CRTC3: variants seen among roughly 807,000 people sequenced by gnomAD.
CRTC3 encodes the protein CREB regulated transcription coactivator 3, also known as CREB-regulated transcription coactivator 3.
A neutral mutation model predicts 74.5 loss-of-function variants in CRTC3; 26 were observed. That is an observed-to-expected ratio of 0.35 (90% CI 0.26 to 0.48). The LOEUF (loss-of-function observed/expected upper bound fraction) is 0.48, where lower values mean the gene tolerates loss of function less well. CRTC3 is among the 20% of genes least tolerant of loss of function. The probability of loss-of-function intolerance (pLI) is 0.99; values close to 1 mark genes in which losing one functional copy is unlikely to be tolerated. For synonymous variants in CRTC3, 377 were observed against 325.8 expected (o/e 1.16, Z -1.69); for missense variants, 760 against 787.3 (o/e 0.97, Z 0.41).
intron 6 of CRTC3, among the ~76,000 whole-genome samples, chr15:90,611,105 A>C (rs909199828): frequency 2.0e-5 from 3 of 152,188 alleles, no homozygotes; most frequent in African/African-American, 7.2e-5. Context: ...AGTGGCAGGT[A>C]CAAGCATCCC....
chr15:90,600,944 A>C (rs1238924868), intron 3 of CRTC3, among the ~76,000 whole-genome samples: 1 of 152,210 alleles, frequency 6.6e-6, no homozygotes, highest in Non-Finnish European at 1.5e-5. Flanking sequence ...TAGCAAAGGC[A>C]GAGGGGCAGG....
At chr15:90,636,494 T>C (rs1044291863) in intron 11 of CRTC3, among the ~76,000 whole-genome samples, 31 of 151,666 alleles carry the variant, frequency 2.0e-4, no homozygotes, top group African/African-American at 7.0e-4. Flanking sequence ...GACATAGGCA[T>C]GGGCAAGGAC....
chr15:90,598,550 C>A (rs1488692278), intron 3 of CRTC3: 1 of 701,720 alleles, frequency 1.4e-6, no homozygotes, highest in East Asian at 2.7e-5. Flanking sequence ...AGAGAGAGAA[C>A]ACACTGGGAT....
At chr15:90,628,608 C>T (rs1257810161) in intron 10 of CRTC3, among the ~76,000 whole-genome samples, 1 of 152,162 alleles carries the variant, frequency 6.6e-6, no homozygotes, top group Non-Finnish European at 1.5e-5. Flanking sequence ...ACCCCTGTCC[C>T]CCAAATAAAG....
intron 2 of CRTC3, among the ~76,000 whole-genome samples, chr15:90,592,989 C>T (rs747787399): frequency 1.1e-4 from 16 of 152,102 alleles, no homozygotes; most frequent in Non-Finnish European, 1.9e-4. Context: ...CCCGTCTCTA[C>T]TAAAAATACA....
rs1969477844 is a variant in CRTC3, at chr15:90,642,288, C to G, written c.*148C>G. On this transcript the variant is annotated 3_prime_UTR_variant, in exon 15 of 15. Transcript: ENST00000268184. Reference sequence around the variant, plus strand: ...TCCAGGGTTTCAGATGAGATCCCATCTCAGACACTGTGGCTTCCTCCAGAT... The same window carrying G: ...TCCAGGGTTTCAGATGAGATCCCATGTCAGACACTGTGGCTTCCTCCAGAT... 1.5e-6 allele frequency: 1 copy of G among 657,924 alleles called. No individual in the cohort carries two copies. Among genetic ancestry groups the G allele is most frequent in the African/African-American group, 1.8e-5 (1 of 55,494 alleles). 40.8% of individuals were successfully genotyped at this position (657,924 alleles called of 1,614,324 possible).
intron 2 of CRTC3, among the ~76,000 whole-genome samples, chr15:90,550,417 A>C (rs1966852886): frequency 6.6e-6 from 1 of 150,702 alleles, no homozygotes; most frequent in Non-Finnish European, 1.5e-5. Flanking sequence ...TCTCAAAAAA[A>C]AAAAATCATT....
In CRTC3 at chr15:90,644,560, A is replaced by T; in HGVS notation, c.*2420A>T. 1 of 231,198 alleles carries T rather than the reference A, an allele frequency of 4.3e-6. No homozygotes were observed. Among genetic ancestry groups the T allele is most frequent in the Middle Eastern group, 1.3e-3 (1 of 778 alleles). The allele number at this position is 231,198 out of a possible 1,614,324, so 14.3% of individuals were successfully genotyped here. A position where few individuals can be genotyped will look rare whatever the true frequency, so the allele number is the denominator to read the frequency against. On this transcript the variant is annotated 3_prime_UTR_variant, in exon 15 of 15. Transcript: ENST00000268184. ...ACTTGTGAAAACAGACCTCCGGGGAAGTGATTTATTGGGGGTGTACACTGG... is the reference window on the plus strand; with the variant it reads ...ACTTGTGAAAACAGACCTCCGGGGATGTGATTTATTGGGGGTGTACACTGG...
At chr15:90,607,190 G>A (rs1038861836) in intron 5 of CRTC3, among the ~76,000 whole-genome samples, 188 bp from the exon 6 acceptor site, 2 of 152,218 alleles carry the variant, frequency 1.3e-5, no homozygotes, top group African/African-American at 4.8e-5. Context: ...ATATTCTGGA[G>A]TGTGGGCGAT....
At chr15:90,641,008 A>T in intron 13 of CRTC3, 89 bp from the exon 14 acceptor site, 1 of 817,364 alleles carries the variant, frequency 1.2e-6, no homozygotes, top group Non-Finnish European at 2.1e-6. Flanking sequence ...TTTGCAAGTC[A>T]GGTTTTGCTC....
rs1966617212 is a variant in CRTC3 at position 90,530,932 on chromosome 15, T to C, written c.132+729T>C. Among the ~76,000 whole-genome samples, 1 of 151,888 alleles carries C rather than the reference T, an allele frequency of 6.6e-6. No homozygotes were observed. The highest frequency in any genetic ancestry group is 1.9e-4 in the East Asian group (1 of 5,184). On this transcript the variant is annotated intron_variant, in intron 1 of 14. Coordinates refer to ENST00000268184, the MANE Select transcript of CRTC3 (RefSeq NM_022769.5). The surrounding 1 kb of genome is among the most constrained non-coding windows in gnomAD (Gnocchi z 6.2). The stretch of plus-strand genomic sequence containing the variant: ...GTTAGGTAACCGCTGAGTGAGGCAG[T>C]GGAGGATGGAGAGCCAACCGGAGTG...
intron 2 of CRTC3, among the ~76,000 whole-genome samples, chr15:90,561,539 G>A (rs961205670): frequency 6.6e-5 from 10 of 152,160 alleles, no homozygotes; most frequent in South Asian, 2.1e-4. Context: ...ACATGTGGGC[G>A]GTGGCAGTGT....
At chr15:90,614,550 C>G in intron 7 of CRTC3, 62 bp downstream of exon 7, 1 of 1,079,064 alleles carries the variant, frequency 9.3e-7, no homozygotes, top group South Asian at 1.3e-5. Flanking sequence ...CATAACCTTT[C>G]AATACCTTTA....
chr15:90,585,239 T>A (rs1372690086), intron 2 of CRTC3, among the ~76,000 whole-genome samples: 1 of 152,132 alleles, frequency 6.6e-6, no homozygotes, highest in Non-Finnish European at 1.5e-5. Context: ...CCACCTCCTG[T>A]GCTCAAGGGA....
At chr15:90,589,912 A>G (rs957648030) in intron 2 of CRTC3, among the ~76,000 whole-genome samples, 1 of 152,098 alleles carries the variant, frequency 6.6e-6, no homozygotes, top group Non-Finnish European at 1.5e-5. Context: ...GCTTGAACCC[A>G]GGAGGCAGAG....
At chr15:90,608,778 A>T (rs1395757714) in intron 6 of CRTC3, among the ~76,000 whole-genome samples, 1 of 152,208 alleles carries the variant, frequency 6.6e-6, no homozygotes, top group African/African-American at 2.4e-5. Context: ...TCACATGTGC[A>T]CGGCATTTGC....
intron 5 of CRTC3, 118 bp downstream of exon 5, chr15:90,604,565 T>A (rs1288262898): frequency 8.7e-6 from 7 of 805,644 alleles, no homozygotes; most frequent in Middle Eastern, 2.6e-4. Flanking sequence ...ATATGACATG[T>A]TCAAAACAAA....
intron 2 of CRTC3, among the ~76,000 whole-genome samples, chr15:90,541,626 A>G (rs1279502542): frequency 3.3e-5 from 5 of 152,134 alleles, no homozygotes; most frequent in East Asian, 1.9e-4. Flanking sequence ...TTCATACTTC[A>G]GGAAATACAG....
intron 2 of CRTC3, among the ~76,000 whole-genome samples, chr15:90,588,142 C>T (rs773648224): frequency 2.6e-5 from 4 of 151,766 alleles, no homozygotes; most frequent in Non-Finnish European, 5.9e-5. Context: ...TGCCTGTAAT[C>T]CTAGCTACTC....
Sources: allele counts gnomAD v4.1 joint callset (sites outside exome capture counted in the v4.1 genomes callset), GRCh38; gene constraint gnomAD v4.1.1; non-coding constraint Gnocchi (gnomAD v3.1); transcripts MANE v1.5; gene names NCBI Gene and HGNC (gene_info 2026-07-23, HGNC 2026-07-21).